The following NPC1 variants were observed in gnomAD, a reference collection of about 807,000 sequenced individuals.
The protein encoded by NPC1 is Niemann-Pick C1 protein.
A neutral mutation model predicts 140.4 loss-of-function variants in NPC1; 85 were observed. The observed-to-expected ratio is 0.61, with a 90% CI of 0.51 to 0.72. The LOEUF (loss-of-function observed/expected upper bound fraction) is 0.72. Among genes scored for constraint, NPC1 ranks in the 30% least tolerant of loss-of-function variants. NPC1 has a pLI of 0.00. For synonymous variants in NPC1, 656 were observed against 624.8 expected, an observed-to-expected ratio of 1.05 and a Z score of -0.74; for missense variants, 1,504 against 1,623.8, an observed-to-expected ratio of 0.93 and a Z score of 1.27.
chr18:23,537,569 C>T (rs2058650442), intron 20 of NPC1, among the ~76,000 whole-genome samples: 1 of 152,222 alleles, frequency 6.6e-6, no homozygotes, highest in Non-Finnish European at 1.5e-5. Flanking sequence ...AAAATGACCA[C>T]CTCTGAGCCC....
Position 23,583,186 on chromosome 18 carries a change from T to C in NPC1, c.57+3101A>G, listed in dbSNP as rs1408081683. The stretch of plus-strand genomic sequence containing the variant: ...GATGATATTGGAGAGCAACAGTTAT[T>C]GCTCTTAAGGAGCCTGCAATTCGGT... On this transcript the variant is annotated intron_variant, in intron 1 of 24. Coordinates refer to ENST00000269228, the MANE Select transcript of NPC1 (RefSeq NM_000271.5). 2.6e-5 allele frequency among the ~76,000 whole-genome samples: 4 copies of C among 151,880 alleles called. No individual in the cohort carries two copies. In the East Asian group the frequency reaches 7.7e-4, roughly 29 times the overall value.
At chr18:23,527,413 A>G (rs1366313657), downstream of NPC1, among the ~76,000 whole-genome samples, 1 of 151,474 alleles carries the variant, frequency 6.6e-6, no homozygotes, top group Non-Finnish European at 1.5e-5. Flanking sequence ...AAAAATAATA[A>G]TAATAATCCC....
downstream of NPC1, among the ~76,000 whole-genome samples, chr18:23,521,695 C>CTT (rs371988848): frequency 5.1e-3 from 394 of 77,936 alleles, 1 homozygote; most frequent in African/African-American, 0.013. Context: ...CACTCTCTCT[C>CTT]TTTTTTTTTT....
rs2058768012 is a variant in NPC1 at position 23,544,983 on chromosome 18, T to A, written c.1924A>T (p.Met642Leu). The stretch of plus-strand genomic sequence containing the variant: ...ACCAGAAGCCTGCGACAGCTTTTCA[T>A]GTGCCCCAAGGCTAGGGAAATATAT... ...FLYISLALGH[M>L]KSCRRLLVDS... The change falls in exon 12 of 25, where the codon ATG becomes TTG. Residue 642 changes from methionine (M) to leucine (L), a missense_variant. Coordinates refer to ENST00000269228, the MANE Select transcript of NPC1 (RefSeq NM_000271.5). 1 of 1,500,586 alleles carries A rather than the reference T, an allele frequency of 6.7e-7. No homozygotes were observed. The highest frequency in any genetic ancestry group is 9.1e-7 in the Non-Finnish European group (1 of 1,101,446). 93.0% of individuals were successfully genotyped at this position (1,500,586 alleles called of 1,614,324 possible).
rs1158193953 is a variant in NPC1 at position 23,586,441 on chromosome 18, A to AGGAGGAGC, written c.-106_-99dup. The AGGAGGAGC allele has an allele frequency of 4.4e-5, 67 of 1,509,816 alleles. No individual in the cohort carries two copies. In the African/African-American group the frequency reaches 5.5e-4, roughly 12 times the overall value. 93.5% of individuals were successfully genotyped at this position (1,509,816 alleles called of 1,614,324 possible). The stretch of plus-strand genomic sequence containing the variant: ...CCCGGGCTGTTTCAGCACCCCGCGC[A>AGGAGGAGC]GGAGGAGCGGAGGAGCAGGAGCAGG... On this transcript the variant is annotated 5_prime_UTR_variant, in exon 1 of 25. Coordinates refer to ENST00000269228, the MANE Select transcript of NPC1 (RefSeq NM_000271.5).
In NPC1 at chr18:23,556,376, T is replaced by C; in HGVS notation, c.1193A>G (p.His398Arg). Residue 398 changes from histidine (H) to arginine (R), a missense_variant, in exon 8 of 25, where the codon CAC (histidine) becomes CGC (arginine). Coordinates refer to ENST00000269228, the MANE Select transcript of NPC1 (RefSeq NM_000271.5). ...ARLEKEYFDQ[H>R]FGPFFRTEQL... ...CTCCGTCCGGAAGAAAGGCCCAAAG[T>C]GCTGGTCAAAGTACTCTTTTTCCAG... 6.2e-7 allele frequency: 1 copy of C among 1,614,064 alleles called. No homozygotes were observed. Among genetic ancestry groups the C allele is most frequent in the Non-Finnish European group, 8.5e-7 (1 of 1,180,002 alleles).
chr18:23,560,608 GT>G, intron 5 of NPC1, 128 bp from the exon 6 acceptor site: 1 of 1,032,828 alleles, frequency 9.7e-7, no homozygotes, highest in South Asian at 1.6e-5. Flanking sequence ...AGAATTGGAG[GT>G]TTTAGTTTAA....
intron 1 of NPC1, chr18:23,576,827 G>A (rs770626389): frequency 5.5e-4 from 94 of 169,432 alleles, no homozygotes; most frequent in Middle Eastern, 2.4e-3. Flanking sequence ...GCAGATCTTC[G>A]CGGTGAGTGT....
downstream of NPC1, chr18:23,529,752 A>C (rs1232897259): frequency 1.3e-6 from 2 of 1,551,346 alleles, no homozygotes; most frequent in South Asian, 2.3e-5. Context: ...AAACAGAAGG[A>C]ATTTAAAAAA....
chr18:23,562,908 C>A (rs890805058), intron 4 of NPC1, among the ~76,000 whole-genome samples: 2 of 152,130 alleles, frequency 1.3e-5, no homozygotes, highest in East Asian at 3.9e-4. Flanking sequence ...TTACAATTTA[C>A]CCCCTTAAAC....
Position 23,586,302 on chromosome 18 carries a change from T to C in NPC1, c.42A>G (p.Leu14=). The C allele has an allele frequency of 1.3e-6, 2 of 1,533,904 alleles. No homozygotes were observed. Among genetic ancestry groups the C allele is most frequent in the Non-Finnish European group, 1.7e-6 (2 of 1,146,246 alleles). Residue 14 remains leucine, a synonymous_variant, in exon 1 of 25, where the codon CTA becomes CTG. Coordinates refer to ENST00000269228, the MANE Select transcript of NPC1 (RefSeq NM_000271.5). ...GACCGCTCACCTGCGCTGGACACAG[T>C]AGCAGCAGGAGGAGGCCAAGGGCCA... is the stretch of plus-strand genomic sequence containing the variant. The part of the protein sequence containing the change: ...RGLALGLLLL[L]LCPAQVFSQS...
Position 23,556,616 on chromosome 18 carries a change from G to C in NPC1, c.956-3C>G. 1.2e-6 allele frequency: 2 copies of C among 1,613,896 alleles called. No homozygotes were observed. The highest frequency in any genetic ancestry group is 1.7e-6 in the Non-Finnish European group (2 of 1,179,918). On this transcript the variant is annotated splice_polypyrimidine_tract_variant and splice_region_variant and intron_variant, in intron 7 of 24. Transcript: ENST00000269228. ...AGGGTCACAGCAGGACGCCTCTCCT[G>C]GAAGAACGGGAGAGGAAGGGAAGGT...
At chr18:23,585,614 C>G (rs2059408631) in intron 1 of NPC1, among the ~76,000 whole-genome samples, 2 of 152,164 alleles carry the variant, frequency 1.3e-5, no homozygotes, top group Non-Finnish European at 2.9e-5. Context: ...CTGAGGTGCT[C>G]TTTCCCAAAG....
chr18:23,561,582 A>C, intron 4 of NPC1, 55 bp from the exon 5 acceptor site: 1 of 1,582,062 alleles, frequency 6.3e-7, no homozygotes, highest in East Asian at 2.2e-5. Context: ...GTAATTCACG[A>C]GGCAAGATCT....
chr18:23,574,049 A>C (rs2059240839), intron 1 of NPC1, among the ~76,000 whole-genome samples: 1 of 152,218 alleles, frequency 6.6e-6, no homozygotes. Flanking sequence ...CAACACCCCA[A>C]TGTAAAGAGC....
In NPC1 at chr18:23,538,549, C is replaced by A. The variant is rs1555632941; in HGVS notation, c.3034G>T (p.Gly1012Cys). The change falls in exon 20 of 25, where the codon GGC (glycine) becomes TGC (cysteine). Residue 1012 changes from glycine (G) to cysteine (C), a missense_variant. Transcript: ENST00000269228. Reference protein sequence around the residue: ...FLSDNPNPKCGKGGHAAYSSA... With the variant: ...FLSDNPNPKCCKGGHAAYSSA... ...AATGGCAGCAGCACTTACCCTTTGC[C>A]ACACTTGGGGTTAGGGTTATCCGAA... is the stretch of plus-strand genomic sequence containing the variant. The A allele has an allele frequency of 6.2e-7, 1 of 1,614,136 alleles. No homozygotes were observed. Among genetic ancestry groups the A allele is most frequent in the African/African-American group, 1.3e-5 (1 of 75,024 alleles).
intron 10 of NPC1, among the ~76,000 whole-genome samples, chr18:23,550,481 T>TC (rs2058855229): frequency 1.0e-5 from 1 of 96,726 alleles, no homozygotes; most frequent in African/African-American, 4.7e-5. Context: ...TTACATTTCT[T>TC]TTTTTTTTTT....
intron 1 of NPC1, chr18:23,576,399 A>G: frequency 4.7e-6 from 4 of 845,560 alleles, no homozygotes; most frequent in African/African-American, 1.8e-5. Flanking sequence ...TCCAGCCTGG[A>G]CAACAAAGTG....
downstream of NPC1, among the ~76,000 whole-genome samples, chr18:23,519,625 GT>G (rs1457983975): frequency 2.6e-5 from 4 of 152,150 alleles, no homozygotes; most frequent in Non-Finnish European, 4.4e-5. Context: ...GTCTCAAGTA[GT>G]TTAGAAAAAA....
Sources: gnomAD v4.1 joint callset for allele counts (sites outside exome capture counted in the v4.1 genomes callset) on GRCh38, gnomAD v4.1.1 for gene constraint, MANE v1.5 for transcripts, NCBI Gene and HGNC (gene_info 2026-07-23, HGNC 2026-07-21) for gene names.